The following MYPN variants were observed in gnomAD, a reference collection of about 807,000 sequenced individuals.
MYPN encodes myopalladin, also known as sarcomeric protein myopalladin, 145 kDa (MYOP).
Under a neutral mutation model 129.4 loss-of-function variants are expected in MYPN, and 63 were observed. The observed-to-expected ratio is 0.49, with a 90% CI of 0.40 to 0.60. The LOEUF is 0.60. MYPN is among the 20% of genes least tolerant of loss of function. The pLI, the probability that MYPN is intolerant of heterozygous loss-of-function variation, is 0.00. For missense variants in MYPN, 1,596 were observed against 1,635.4 expected (o/e 0.98, Z 0.42); for synonymous variants, 629 against 600.9 (o/e 1.05, Z -0.68).
At chr10:68,099,870 C>T (rs2041973878) in intron 1 of MYPN, among the ~76,000 whole-genome samples, 1 of 151,868 alleles carries the variant, frequency 6.6e-6, no homozygotes, top group Non-Finnish European at 1.5e-5. Flanking sequence ...TGTTTTTTTC[C>T]AAATAGATTC....
chr10:68,161,515 CAAA>C (rs35853407), intron 7 of MYPN, among the ~76,000 whole-genome samples: 1 of 116,886 alleles, frequency 8.6e-6, no homozygotes, highest in African/African-American at 2.9e-5. Flanking sequence ...AACTCAGTCT[CAAA>C]AAAAAAAAAA....
chr10:68,098,610 C>G (rs528846421), intron 1 of MYPN, among the ~76,000 whole-genome samples: 15 of 152,116 alleles, frequency 9.9e-5, no homozygotes, highest in African/African-American at 3.4e-4. Flanking sequence ...CTTTGGGAGG[C>G]CGAGGCGGGC....
At chr10:68,107,341 C>CTTTTTTTTTT (rs1217100514), upstream of MYPN, among the ~76,000 whole-genome samples, 1 of 113,448 alleles carries the variant, frequency 8.8e-6, no homozygotes, top group African/African-American at 3.5e-5. Flanking sequence ...CTTCTCTTTT[C>CTTTTTTTTTT]TTTTTTTTTT....
chr10:68,182,280 CACATAT>C (rs2043328970), intron 12 of MYPN, among the ~76,000 whole-genome samples: 1 of 28,908 alleles, frequency 3.5e-5, no homozygotes, highest in African/African-American at 4.9e-5. Context: ...ATATATAACA[CACATAT>C]ATATATAACA....
At chr10:68,109,370 C>T (rs939869988), upstream of MYPN, 158 of 355,680 alleles carry the variant, frequency 4.4e-4, no homozygotes, top group Middle Eastern at 9.7e-4. Flanking sequence ...TGATTGACCC[C>T]CACCCCCATA....
intron 1 of MYPN, among the ~76,000 whole-genome samples, chr10:68,118,485 C>G (rs776760769): frequency 6.6e-6 from 1 of 152,038 alleles, no homozygotes; most frequent in Non-Finnish European, 1.5e-5. Flanking sequence ...TCCATGTTGC[C>G]TCAGTATAAA....
Position 68,189,196 on chromosome 10 carries a change from T to G in MYPN, c.2925+70T>G, listed in dbSNP as rs576615499. ...TATAGACAGTGCCTTCAAGAAGGTCTTTAAAAAATATACGCAATGTTTTTT... is the reference window on the plus strand; with the variant it reads ...TATAGACAGTGCCTTCAAGAAGGTCGTTAAAAAATATACGCAATGTTTTTT... On this transcript the variant is annotated intron_variant, in intron 13 of 19. Transcript: ENST00000358913. 7.8e-5 allele frequency: 86 copies of G among 1,104,026 alleles called. 1 individual carries two copies. The East Asian group carries it at 1.9e-3, about 25-fold the overall frequency. 68.4% of individuals were successfully genotyped at this position (1,104,026 alleles called of 1,614,324 possible).
intron 2 of MYPN, among the ~76,000 whole-genome samples, chr10:68,129,266 C>G (rs903934089): frequency 4.6e-5 from 7 of 152,194 alleles, no homozygotes; most frequent in African/African-American, 1.4e-4. Flanking sequence ...GTTCTAGTCT[C>G]TCTATGTATG....
chr10:68,185,313 T>A (rs1368760047), intron 12 of MYPN, among the ~76,000 whole-genome samples: 1 of 152,096 alleles, frequency 6.6e-6, no homozygotes, highest in East Asian at 1.9e-4. Context: ...AGTCTTTGTT[T>A]CTGAAAAATG....
At chr10:68,183,480 GA>G (rs1045423881) in intron 12 of MYPN, among the ~76,000 whole-genome samples, 15 of 150,042 alleles carry the variant, frequency 1.0e-4, no homozygotes, top group Non-Finnish European at 1.6e-4. Context: ...AAATTATTTG[GA>G]AAAAAAAATA....
chr10:68,191,627 A>G (rs1156580606), intron 13 of MYPN, among the ~76,000 whole-genome samples: 1 of 152,156 alleles, frequency 6.6e-6, no homozygotes, highest in Non-Finnish European at 1.5e-5. Context: ...AATTCTTCCA[A>G]TTCGTGAACG....
intron 6 of MYPN, among the ~76,000 whole-genome samples, chr10:68,152,169 G>A (rs535858248): frequency 3.3e-5 from 5 of 152,342 alleles, no homozygotes; most frequent in African/African-American, 9.6e-5. Flanking sequence ...AGGGGTTGTA[G>A]AGACCAAGGT....
chr10:68,089,077 G>T (rs973702511), intron 1 of MYPN, among the ~76,000 whole-genome samples: 1 of 152,180 alleles, frequency 6.6e-6, no homozygotes, highest in Admixed American at 6.5e-5. Context: ...TGTTACCCAG[G>T]ACGGAGTGCA....
intron 12 of MYPN, among the ~76,000 whole-genome samples, chr10:68,180,111 CAGGG>C (rs1255112516): frequency 6.6e-6 from 1 of 152,132 alleles, no homozygotes; most frequent in Non-Finnish European, 1.5e-5. Flanking sequence ...GCAGCAGAGA[CAGGG>C]TAGGCTATGA....
intron 8 of MYPN, chr10:68,162,027 G>A (rs931356320): frequency 3.0e-5 from 8 of 267,926 alleles, no homozygotes; most frequent in Non-Finnish European, 5.7e-5. Flanking sequence ...AATTAGCCAG[G>A]CATAGTGGCG....
intron 6 of MYPN, among the ~76,000 whole-genome samples, chr10:68,152,109 A>G (rs1229290425): frequency 1.3e-5 from 2 of 152,192 alleles, no homozygotes; most frequent in African/African-American, 4.8e-5. Flanking sequence ...TTGATTGGCA[A>G]TTGGTTGAAA....
At chr10:68,191,034 C>T (rs2043502511) in intron 13 of MYPN, among the ~76,000 whole-genome samples, 1 of 151,922 alleles carries the variant, frequency 6.6e-6, no homozygotes, top group Non-Finnish European at 1.5e-5. Context: ...CTATTCTGTT[C>T]CATTGGTCTA....
At chr10:68,206,967 A>G in intron 19 of MYPN, 64 bp downstream of exon 19, 2 of 1,593,662 alleles carry the variant, frequency 1.3e-6, no homozygotes, top group Non-Finnish European at 1.7e-6. Flanking sequence ...ATTTTTTTAA[A>G]GATAAATGGG....
At chr10:68,145,421 C>G in intron 3 of MYPN, 54 bp from the exon 4 acceptor site, 1 of 1,425,872 alleles carries the variant, frequency 7.0e-7, no homozygotes, top group East Asian at 2.3e-5. Flanking sequence ...GTTTAGGAAC[C>G]AATTTAAGAA....
Sources: allele counts gnomAD v4.1 joint callset (sites outside exome capture counted in the v4.1 genomes callset), GRCh38; gene constraint gnomAD v4.1.1; transcripts MANE v1.5; gene names NCBI Gene and HGNC (gene_info 2026-07-23, HGNC 2026-07-21).